FAM50B: variants seen among roughly 807,000 people sequenced by gnomAD.
FAM50B encodes the protein family with sequence similarity 50 member B.
In FAM50B, 9 loss-of-function variants were observed where a neutral mutation model predicts 25.4. The ratio of observed to expected loss-of-function variants is 0.35; its 90% confidence interval spans 0.21 to 0.62. The LOEUF (loss-of-function observed/expected upper bound fraction) is 0.62, where lower values mean the gene tolerates loss of function less well. Ranked by LOEUF, FAM50B falls within the 20% of genes least tolerant of loss-of-function variation. The pLI is 0.73. For missense variants in FAM50B, 372 were observed against 477.9 expected (o/e 0.78, Z 2.07); for synonymous variants, 212 against 204.3 (o/e 1.04, Z -0.32).
At chr6:3,837,374 G>T in the FAM50B span, among the ~76,000 whole-genome samples, 1 of 152,208 alleles carries the variant, frequency 6.6e-6, no homozygotes, top group Admixed American at 6.5e-5. Context: ...AAACTCAATA[G>T]TAAGAAAACA....
upstream of FAM50B, among the ~76,000 whole-genome samples, chr6:3,846,861 A>C (rs1017820757): frequency 3.3e-5 from 5 of 152,260 alleles, no homozygotes; most frequent in Non-Finnish European, 7.3e-5. Flanking sequence ...GGGTTGCAGA[A>C]TGGATGTTGT....
the FAM50B span, among the ~76,000 whole-genome samples, chr6:3,841,452 T>C: frequency 8.4e-4 from 128 of 152,266 alleles, no homozygotes; most frequent in Admixed American, 1.6e-3. Flanking sequence ...GGGGAGACCA[T>C]AGAGGGGTGT....
At position 3,850,795 on chromosome 6, in the gene FAM50B, G is replaced by A. The variant is rs1199274197; in HGVS notation, c.*6G>A. The A allele has an allele frequency of 1.9e-6, 3 of 1,610,758 alleles. No individual in the cohort carries two copies. Among genetic ancestry groups the A allele is most frequent in the Non-Finnish European group, 2.5e-6 (3 of 1,177,908 alleles). ...ACAAGTACACCATCCGCTAACACCC[G>A]CCTGCCAGAGCGGAAACCGGGGGTG... On this transcript the variant is annotated 3_prime_UTR_variant, in exon 2 of 2. Transcript: ENST00000648326.
rs1762204482 is a variant in FAM50B at position 3,850,634 on chromosome 6, C to T, written c.823C>T (p.Arg275Cys). ...LFSFDVHDDV[R>C]LLSDATMEKD... The stretch of plus-strand genomic sequence containing the variant: ...CAGCTTCGATGTGCACGATGACGTG[C>T]GCCTGCTCAGCGACGCCACCATGGA... The change falls in exon 2 of 2, where the codon CGC becomes TGC. Residue 275 changes from arginine (R) to cysteine (C), a missense_variant. Physicochemically the swap from Arg to Cys is radical, Grantham distance 180. This residue lies in a region of FAM50B where 27 missense variants were observed against 61.6 expected (regional missense o/e 0.44). Transcript: ENST00000648326. 6.2e-7 allele frequency: 1 copy of T among 1,614,136 alleles called. No homozygotes were observed. The highest frequency in any genetic ancestry group is 8.5e-7 in the Non-Finnish European group (1 of 1,180,050).
At chr6:3,848,906 G>C (rs1253244745), upstream of FAM50B, among the ~76,000 whole-genome samples, 4 of 152,084 alleles carry the variant, frequency 2.6e-5, no homozygotes, top group African/African-American at 7.2e-5. Context: ...GGGGCCATAA[G>C]AAAGAATTAC....
the FAM50B span, among the ~76,000 whole-genome samples, chr6:3,841,458 G>T: frequency 6.6e-6 from 1 of 152,098 alleles, no homozygotes; most frequent in Admixed American, 6.5e-5. Flanking sequence ...ACCATAGAGG[G>T]GTGTTCTCTA....
upstream of FAM50B, among the ~76,000 whole-genome samples, chr6:3,849,110 G>A (rs1234636723): frequency 1.3e-5 from 2 of 152,192 alleles, no homozygotes; most frequent in Non-Finnish European, 1.5e-5. Flanking sequence ...ACAGCAGGTG[G>A]GGGCCCGCCC....
upstream of FAM50B, among the ~76,000 whole-genome samples, chr6:3,847,368 T>A (rs778128062): frequency 6.6e-6 from 1 of 152,282 alleles, no homozygotes; most frequent in African/African-American, 2.4e-5. Flanking sequence ...CTGCAGCTTC[T>A]CCATCACACT....
In FAM50B at chr6:3,849,769, G is replaced by T; in HGVS notation, c.-23-20G>T. 6.4e-7 allele frequency: 1 copy of T among 1,555,046 alleles called. No homozygotes were observed. Among genetic ancestry groups the T allele is most frequent in the Non-Finnish European group, 8.7e-7 (1 of 1,150,674 alleles). ...GCGTGGGCCCCCCTCTACCTGCCGC[G>T]TTTTTCCTCTTTGCTGCAGAGCCCA... On this transcript the variant is annotated intron_variant, in intron 1 of 1. Coordinates refer to ENST00000648326, the MANE Select transcript of FAM50B (RefSeq NM_012135.3).
rs1762173523 is a variant in FAM50B at position 3,849,621 on chromosome 6, A to G, written c.-24+135A>G. 1.2e-5 allele frequency: 12 copies of G among 1,004,542 alleles called. No individual in the cohort carries two copies. In the South Asian group the frequency reaches 2.3e-4, roughly 19 times the overall value. 62.2% of individuals were successfully genotyped at this position (1,004,542 alleles called of 1,614,324 possible). On this transcript the variant is annotated intron_variant, in intron 1 of 1. Transcript: ENST00000648326. ...TATTGAGGTCAAATAAAATGCTGGAAATTGGTGCCTGGTGACACTGTCAGG... is the reference window on the plus strand; with the variant it reads ...TATTGAGGTCAAATAAAATGCTGGAGATTGGTGCCTGGTGACACTGTCAGG...
rs372461028 is a variant in FAM50B at position 3,850,327 on chromosome 6, G to A, written c.516G>A (p.Glu172=). Residue 172 remains glutamate (E), a synonymous_variant, in exon 2 of 2, where the codon GAG becomes GAA. Transcript: ENST00000648326. The stretch of plus-strand genomic sequence containing the variant: ...GGCTCCGAGAGGAGCTGCGCCAAGA[G>A]TGGGAGGCGCAGCGCGAGAAAGTGA... ...ENRLREELRQ[E]WEAQREKVKD... 6.2e-6 allele frequency: 10 copies of A among 1,613,348 alleles called. No homozygotes were observed. In the African/African-American group the frequency reaches 1.3e-4, roughly 21 times the overall value.
the FAM50B span, chr6:3,833,920 C>G: frequency 6.6e-6 from 1 of 152,160 alleles, no homozygotes; most frequent in Non-Finnish European, 1.5e-5. Flanking sequence ...TTATCAGGGA[C>G]AGAAAGACTC....
the FAM50B span, among the ~76,000 whole-genome samples, chr6:3,838,954 ACT>A: frequency 5.7e-4 from 87 of 152,098 alleles, no homozygotes; most frequent in African/African-American, 2.1e-3. Flanking sequence ...GAGTGAAATA[ACT>A]CTGACTTAAA....
chr6:3,834,793 G>A, the FAM50B span, among the ~76,000 whole-genome samples: 1 of 151,998 alleles, frequency 6.6e-6, no homozygotes, highest in Non-Finnish European at 1.5e-5. Context: ...AGATCAGGTA[G>A]GCCTTTTAGT....
At position 3,850,867 on chromosome 6, in the gene FAM50B, G is replaced by A. The variant is rs1183781922; in HGVS notation, c.*78G>A. 4 of 1,541,962 alleles carry A rather than the reference G, an allele frequency of 2.6e-6. No homozygotes were observed. In the South Asian group the frequency reaches 3.7e-5, roughly 14 times the overall value. ...GCCCCATCACCAGTCACTTGATTTC[G>A]TGACCTTGATTTCTTCCCCCAAATT... On this transcript the variant is annotated 3_prime_UTR_variant, in exon 2 of 2. Transcript: ENST00000648326.
At chr6:3,840,187 G>T in the FAM50B span, among the ~76,000 whole-genome samples, 1 of 152,026 alleles carries the variant, frequency 6.6e-6, no homozygotes. Flanking sequence ...TAGAGACGGG[G>T]TTTCACCGTG....
the FAM50B span, among the ~76,000 whole-genome samples, chr6:3,838,293 AG>A: frequency 6.6e-6 from 1 of 152,174 alleles, no homozygotes; most frequent in Non-Finnish European, 1.5e-5. Flanking sequence ...CCTGGGCAAC[AG>A]AGCAAGACCC....
Position 3,851,071 on chromosome 6 carries a change from G to A in FAM50B, c.*282G>A. The A allele has an allele frequency of 2.3e-6, 1 of 434,704 alleles. No individual in the cohort carries two copies. The highest frequency in any genetic ancestry group is 4.3e-6 in the Non-Finnish European group (1 of 235,266). The allele number at this position is 434,704 out of a possible 1,614,324, so 26.9% of individuals were successfully genotyped here. A position where few individuals can be genotyped will look rare whatever the true frequency, so the allele number is the denominator to read the frequency against. Reference sequence around the variant, plus strand: ...CCACTGTCAGACAGAAATTAGAATAGGAGGCACATTTTTTACCTGGTGGTT... The same window carrying A: ...CCACTGTCAGACAGAAATTAGAATAAGAGGCACATTTTTTACCTGGTGGTT... On this transcript the variant is annotated 3_prime_UTR_variant, in exon 2 of 2. Coordinates refer to ENST00000648326, the MANE Select transcript of FAM50B (RefSeq NM_012135.3).
upstream of FAM50B, among the ~76,000 whole-genome samples, chr6:3,848,987 T>C (rs935813108): frequency 6.6e-6 from 1 of 151,620 alleles, no homozygotes; most frequent in African/African-American, 2.4e-5. Context: ...AGGAGGAGGG[T>C]TGGAGAGCAG....
Sources: allele counts gnomAD v4.1 joint callset (sites outside exome capture counted in the v4.1 genomes callset), GRCh38; gene constraint gnomAD v4.1.1; regional missense constraint gnomAD v4.1.1; transcripts MANE v1.5; gene names NCBI Gene and HGNC (gene_info 2026-07-23, HGNC 2026-07-21).